Variants in MUC6 observed in about 807,000 individuals in gnomAD.
MUC6 encodes mucin-6.
MUC6 carries 188 observed loss-of-function variants against 201.5 expected under a neutral mutation model. The observed-to-expected ratio is 0.93, with a 90% CI of 0.83 to 1.05. MUC6 has a LOEUF of 1.05. Ranked by LOEUF, MUC6 falls within the 50% of genes least tolerant of loss-of-function variation. The probability of loss-of-function intolerance (pLI) is 0.00; values close to 1 mark genes in which losing one functional copy is unlikely to be tolerated. For synonymous variants in MUC6, 1,228 were observed against 1,389.4 expected, an observed-to-expected ratio of 0.88 and a Z score of 2.58; for missense variants, 2,706 against 3,256.9, an observed-to-expected ratio of 0.83 and a Z score of 4.12.
intron 7 of MUC6, 31 bp from the exon 8 acceptor site, chr11:1,030,366 T>TGGCCCCCCCCCCC: frequency 6.7e-7 from 1 of 1,489,574 alleles, no homozygotes; most frequent in Non-Finnish European, 9.1e-7. Flanking sequence ...GGTGAGAGGG[T>TGGCCCCCCCCCCC]CCCACCCCCC....
rs1167015556 is a variant in MUC6 at position 1,013,083 on chromosome 11, C to T, written c.*373G>A. On this transcript the variant is annotated 3_prime_UTR_variant, in exon 33 of 33. Transcript: ENST00000421673. ...CCTCCTCGCCCCTGATGGGTCTGGT[C>T]GAGCGCCTGCTCTGTGGCTTCATCT... The T allele has an allele frequency of 2.0e-5, 5 of 255,680 alleles. No individual in the cohort carries two copies. Among genetic ancestry groups the T allele is most frequent in the South Asian group, 9.2e-5 (1 of 10,918 alleles). The allele number at this position is 255,680 out of a possible 1,614,324, so 15.8% of individuals were successfully genotyped here. A position where few individuals can be genotyped will look rare whatever the true frequency, so the allele number is the denominator to read the frequency against.
In MUC6 at chr11:1,027,812, G is replaced by A. The variant is rs752624135; in HGVS notation, c.1854C>T (p.Cys618=). 1.9e-6 allele frequency: 3 copies of A among 1,609,336 alleles called. No homozygotes were observed. Among genetic ancestry groups the A allele is most frequent in the South Asian group, 1.1e-5 (1 of 90,644 alleles). Residue 618 remains cysteine, a synonymous_variant, in exon 16 of 33, where the codon TGC becomes TGT. Transcript: ENST00000421673. ...TVNPAPFYKR[C]VYQACNYEET... ...CCTCGTAGTTGCAGGCCTGGTACACGCACCTCTGCGGGCAGAGAGCCAGCA... is the reference window on the plus strand; with the variant it reads ...CCTCGTAGTTGCAGGCCTGGTACACACACCTCTGCGGGCAGAGAGCCAGCA...
At position 1,016,263 on chromosome 11, in the gene MUC6, G is replaced by A. The variant is rs200679139; in HGVS notation, c.6538C>T (p.His2180Tyr). ...VHSTTLSSGS[H>Y]SSLSTHPTTA... ...GTGGGATGAGTGGACAATGAGGAGTGTGACCCCGAGCTCAGGGTTGTGGAG... is the reference window on the plus strand; with the variant it reads ...GTGGGATGAGTGGACAATGAGGAGTATGACCCCGAGCTCAGGGTTGTGGAG... Residue 2180 changes from histidine (H) to tyrosine (Y), a missense_variant, in exon 31 of 33, where the codon CAC becomes TAC. This residue lies in a region of MUC6 where 586 missense variants were observed against 488.0 expected (regional missense o/e 1.20). Coordinates refer to ENST00000421673, the MANE Select transcript of MUC6 (RefSeq NM_005961.3). The A allele has an allele frequency of 2.3e-4, 368 of 1,613,038 alleles. No homozygotes were observed. The highest frequency in any genetic ancestry group is 1.5e-4 in the Non-Finnish European group (176 of 1,179,694).
In MUC6 at chr11:1,033,393, C is replaced by G. The variant is rs1857155237; in HGVS notation, c.53-318G>C. Among the ~76,000 whole-genome samples, 1 of 149,018 alleles carries G rather than the reference C, an allele frequency of 6.7e-6. No individual in the cohort carries two copies. The highest frequency in any genetic ancestry group is 1.5e-5 in the Non-Finnish European group (1 of 65,852). The stretch of plus-strand genomic sequence containing the variant: ...TGCAGGGTACTCATCCCTGGGGCTT[C>G]TGGGTGGGGCTAGGAGGGGCTGGTG... On this transcript the variant is annotated intron_variant, in intron 1 of 32. Transcript: ENST00000421673. The surrounding 1 kb of genome is among the most constrained non-coding windows in gnomAD (Gnocchi z 5.6).
chr11:1,015,967 G>C lies in MUC6; in HGVS notation c.6834C>G (p.Thr2278=). 1 of 1,593,772 alleles carries C rather than the reference G, an allele frequency of 6.3e-7. No homozygotes were observed. Among genetic ancestry groups the C allele is most frequent in the South Asian group, 1.1e-5 (1 of 87,672 alleles). ...STTSRSTSLT[T]RVPTSGFVSL... ...ACACAAAGCCTGATGTGGGAACTCGGGTGGTGAGAGAAGTGGACCGCGAGG... is the reference window on the plus strand; with the variant it reads ...ACACAAAGCCTGATGTGGGAACTCGCGTGGTGAGAGAAGTGGACCGCGAGG... Residue 2278 remains threonine, a synonymous_variant, in exon 31 of 33, where the codon ACC becomes ACG. Coordinates refer to ENST00000421673, the MANE Select transcript of MUC6 (RefSeq NM_005961.3).
Position 1,036,627 on chromosome 11 carries a change from C to T in MUC6, c.29G>A (p.Cys10Tyr), listed in dbSNP as rs1194357235. ...ACCAGCGCTGAGCAGGGCTCCGCAG[C>T]AGGACAGCAGCAGCCACCGCTGGAC... MVQRWLLLS[C>Y]CGALLSAGLA... The change falls in exon 1 of 33, where the codon TGC becomes TAC. Residue 10 changes from cysteine to tyrosine, a missense_variant. This residue lies in a region of MUC6 where 1,850 missense variants were observed against 1,958.3 expected (regional missense o/e 0.94). Transcript: ENST00000421673. 3.9e-6 allele frequency: 6 copies of T among 1,548,234 alleles called. No individual in the cohort carries two copies. In the African/African-American group the frequency reaches 5.5e-5, roughly 14 times the overall value.
In MUC6 at chr11:1,023,496, G is replaced by C. The variant is rs12793770; in HGVS notation, c.3526+13C>G. On this transcript the variant is annotated intron_variant, in intron 26 of 32. Coordinates refer to ENST00000421673, the MANE Select transcript of MUC6 (RefSeq NM_005961.3). The stretch of plus-strand genomic sequence containing the variant: ...CCCCTGTGTATCTGCGTTGCCTCCC[G>C]GTCACCTGGCACCTTCGATGTTGCT... The C allele has an allele frequency of 0.083, 129,840 of 1,563,896 alleles. 6,242 individuals carry two copies. The highest frequency in any genetic ancestry group is 0.2 in the African/African-American group (14,588 of 73,842).
rs1856524760 is a variant in MUC6 at position 1,013,467 on chromosome 11, A to G, written c.7309T>C (p.Cys2437Arg). Reference protein sequence around the residue: ...FSHCVCSSVACGD With the variant: ...FSHCVCSSVARGD ...AGGCAGCGACCCTGCTAGTCTCCAC[A>G]GGCCACAGAGCTGCACACGCAGTGG... The change falls in exon 33 of 33, where the codon TGT becomes CGT. Residue 2437 changes from cysteine to arginine, a missense_variant. This residue lies in a region of MUC6 where 586 missense variants were observed against 488.0 expected (regional missense o/e 1.20). Transcript: ENST00000421673. 3 of 1,581,504 alleles carry G rather than the reference A, an allele frequency of 1.9e-6. No individual in the cohort carries two copies. Among genetic ancestry groups the G allele is most frequent in the African/African-American group, 1.3e-5 (1 of 74,076 alleles).
Position 1,031,611 on chromosome 11 carries a change from A to C in MUC6, c.479T>G (p.Leu160Arg). The C allele has an allele frequency of 6.5e-7, 1 of 1,548,280 alleles. No individual in the cohort carries two copies. Among genetic ancestry groups the C allele is most frequent in the Non-Finnish European group, 8.7e-7 (1 of 1,147,046 alleles). ...LEVVWGPDSH[L>R]MVLVERKYMG... ...CCCTGGCCCTTCTCTCCTCACCATG[A>C]GGTGGCTGTCAGGACCCCACACGAC... The change falls in exon 4 of 33, where the codon CTC becomes CGC. Residue 160 changes from leucine (L) to arginine (R), a missense_variant. Coordinates refer to ENST00000421673, the MANE Select transcript of MUC6 (RefSeq NM_005961.3).
chr11:1,028,135 C>T (rs2133831458), intron 14 of MUC6, 76 bp from the exon 15 acceptor site: 1 of 1,535,480 alleles, frequency 6.5e-7, no homozygotes. Flanking sequence ...ACCCCCCACC[C>T]TGGCAGCTGG....
intron 10 of MUC6, 35 bp from the exon 11 acceptor site, chr11:1,029,185 C>A: frequency 6.2e-7 from 1 of 1,605,550 alleles, no homozygotes; most frequent in South Asian, 1.1e-5. Flanking sequence ...CGGGTGGGGT[C>A]ACCGGGAGCG....
At chr11:1,032,186 G>T in intron 2 of MUC6, 133 bp from the exon 3 acceptor site, 1 of 1,218,560 alleles carries the variant, frequency 8.2e-7, no homozygotes, top group Non-Finnish European at 1.1e-6. Flanking sequence ...GGAAACCCCA[G>T]ACATCCGATG....
rs751552262 is a variant in MUC6 at position 1,028,758 on chromosome 11, C to T, written c.1479G>A (p.Thr493=). 2.3e-5 allele frequency: 37 copies of T among 1,611,740 alleles called. No individual in the cohort carries two copies. The highest frequency in any genetic ancestry group is 6.7e-5 in the African/African-American group (5 of 74,912). Residue 493 remains threonine, a synonymous_variant, in exon 13 of 33, where the codon ACG becomes ACA. Coordinates refer to ENST00000421673, the MANE Select transcript of MUC6 (RefSeq NM_005961.3). ...TGGTGGCCATCTGGAGGTGGGTGGA[C>T]GTCTGCCTGAAGACCGTGATGTTGC... ...KTRNITVFRQ[T]STHLQMATSF... is the part of the protein sequence containing the mutation.
At chr11:1,013,678 G>A (rs1461571107) in intron 32 of MUC6, 45 bp from the exon 33 acceptor site, 40 of 1,529,210 alleles carry the variant, frequency 2.6e-5, no homozygotes, top group Non-Finnish European at 3.5e-5. Flanking sequence ...TGCTGCAGGG[G>A]CATAAGGCCC....
At chr11:1,019,157 T>C in intron 30 of MUC6, 118 bp downstream of exon 30, 1 of 1,226,572 alleles carries the variant, frequency 8.2e-7, no homozygotes, top group South Asian at 1.4e-5. Flanking sequence ...TTGGGCTGCC[T>C]TCTCGCTTGC....
rs745628982 is a variant in MUC6 at position 1,029,109 on chromosome 11, G to C, written c.1317C>G (p.Tyr439Ter). The C allele has an allele frequency of 1.9e-6, 3 of 1,612,498 alleles. No individual in the cohort carries two copies. Among genetic ancestry groups the C allele is most frequent in the South Asian group, 2.2e-5 (2 of 91,020 alleles). The change falls in exon 11 of 33, where the codon TAC (tyrosine) becomes TAG (stop). Residue 439 changes from tyrosine to a stop codon, truncating the protein, a stop_gained. Coordinates refer to ENST00000421673, the MANE Select transcript of MUC6 (RefSeq NM_005961.3). LOFTEE classifies it high-confidence loss of function. The part of the protein sequence containing the change: ...LPEDGALMAV[Y>*]DKSGVSHSET... ...CGGAGTGTGAGACGCCGGACTTGTC[G>C]TACACAGCCATGAGGGCACCGTCCT...
At position 1,026,036 on chromosome 11, in the gene MUC6, G is replaced by A. The variant is rs1043979902; in HGVS notation, c.2652C>T (p.Phe884=). 3.5e-5 allele frequency: 56 copies of A among 1,590,180 alleles called. No homozygotes were observed. The highest frequency in any genetic ancestry group is 4.7e-5 in the Non-Finnish European group (55 of 1,168,862). Residue 884 remains phenylalanine (F), a synonymous_variant, in exon 21 of 33, where the codon TTC becomes TTT. Transcript: ENST00000421673. Reference sequence around the variant, plus strand: ...TGTACTCGCAGTTGCCGTCGAATACGAAGCGCTGGCCGTCGAAGGTGATGA... The same window carrying A: ...TGTACTCGCAGTTGCCGTCGAATACAAAGCGCTGGCCGTCGAAGGTGATGA... The part of the protein sequence containing the change: ...GHVITFDGQR[F]VFDGNCEYIL...
At chr11:1,022,923 T>G (rs1856850654) in intron 26 of MUC6, among the ~76,000 whole-genome samples, 1 of 151,220 alleles carries the variant, frequency 6.6e-6, no homozygotes, top group Non-Finnish European at 1.5e-5. Flanking sequence ...TGTGCATGAG[T>G]GAATGTGCGT....
chr11:1,014,519 G>A (rs1292961766), intron 31 of MUC6, among the ~76,000 whole-genome samples: 1 of 152,220 alleles, frequency 6.6e-6, no homozygotes, highest in Non-Finnish European at 1.5e-5. Flanking sequence ...GCGGGGTGGG[G>A]GCCCGCGGGG....
Sources: allele counts gnomAD v4.1 joint callset (sites outside exome capture counted in the v4.1 genomes callset), GRCh38; gene constraint gnomAD v4.1.1; regional missense constraint gnomAD v4.1.1; non-coding constraint Gnocchi (gnomAD v3.1); transcripts MANE v1.5; gene names NCBI Gene and HGNC (gene_info 2026-07-23, HGNC 2026-07-21).